The following CDON variants were observed in gnomAD, a reference collection of about 807,000 sequenced individuals.
CDON encodes the protein cell adhesion associated, oncogene regulated, also known as cell adhesion molecule-related/down-regulated by oncogenes.
A neutral mutation model predicts 120.9 loss-of-function variants in CDON; 73 were observed. The observed-to-expected ratio is 0.60, with a 90% CI of 0.50 to 0.73. The LOEUF (loss-of-function observed/expected upper bound fraction) is 0.73. CDON is among the 30% of genes least tolerant of loss of function. The pLI, the probability that CDON is intolerant of heterozygous loss-of-function variation, is 0.00. For missense variants in CDON, 1,470 were observed against 1,587.3 expected (o/e 0.93, Z 1.26); for synonymous variants, 566 against 573.5 (o/e 0.99, Z 0.19).
upstream of CDON, chr11:126,062,926 G>C (rs1159917909): frequency 6.6e-6 from 1 of 151,804 alleles, no homozygotes; most frequent in Non-Finnish European, 1.5e-5. Flanking sequence ...CACGTAACTC[G>C]GAGGGTGCTG....
At chr11:126,054,046 A>G (rs966283519) in intron 1 of CDON, among the ~76,000 whole-genome samples, 1 of 152,228 alleles carries the variant, frequency 6.6e-6, no homozygotes, top group Non-Finnish European at 1.5e-5. Context: ...TCATGGCCTG[A>G]TAAAAGCAGT....
chr11:126,027,555 T>C (rs906001606), intron 1 of CDON, among the ~76,000 whole-genome samples: 2 of 152,180 alleles, frequency 1.3e-5, no homozygotes, highest in African/African-American at 4.8e-5. Flanking sequence ...TTCCCCTACA[T>C]TGCTCTGGCA....
intron 18 of CDON, among the ~76,000 whole-genome samples, chr11:125,968,321 TA>T (rs1359982483): frequency 6.6e-6 from 1 of 152,218 alleles, no homozygotes; most frequent in African/African-American, 2.4e-5. Context: ...GTCTTTAATT[TA>T]AAGCCAAGTT....
chr11:126,022,260 G>C (rs1257186408), intron 2 of CDON, among the ~76,000 whole-genome samples: 2 of 152,018 alleles, frequency 1.3e-5, no homozygotes, highest in East Asian at 3.8e-4. Flanking sequence ...TTTGATTTAC[G>C]AGAGCAAGTT....
At chr11:126,017,024 T>C in intron 6 of CDON, 64 bp downstream of exon 6, 1 of 1,316,138 alleles carries the variant, frequency 7.6e-7, no homozygotes. Context: ...AGATCTTTCC[T>C]TCAGGTATCA....
intron 17 of CDON, among the ~76,000 whole-genome samples, chr11:125,978,635 A>T (rs1000600153): frequency 1.2e-4 from 19 of 152,188 alleles, no homozygotes; most frequent in African/African-American, 4.1e-4. Flanking sequence ...TTTCCTACGT[A>T]TTTCTGTACT....
chr11:126,015,657 T>A, intron 6 of CDON, 147 bp from the exon 7 acceptor site: 1 of 841,814 alleles, frequency 1.2e-6, no homozygotes, highest in South Asian at 1.6e-5. Context: ...GCTGTGGTAA[T>A]CAAGAAAAAA....
At chr11:125,977,550 G>C (rs1437869979) in intron 18 of CDON, among the ~76,000 whole-genome samples, 1 of 152,174 alleles carries the variant, frequency 6.6e-6, no homozygotes, top group Non-Finnish European at 1.5e-5. Context: ...TTAGGACTGA[G>C]AAGGAAGGAC....
At chr11:126,004,814 GA>G (rs1947064817) in intron 9 of CDON, among the ~76,000 whole-genome samples, 1 of 152,096 alleles carries the variant, frequency 6.6e-6, no homozygotes, top group South Asian at 2.1e-4. Context: ...CTTGGACAAA[GA>G]AAATGATTTT....
intron 1 of CDON, among the ~76,000 whole-genome samples, chr11:126,031,046 T>A (rs1327186919): frequency 6.6e-6 from 1 of 152,168 alleles, no homozygotes; most frequent in Non-Finnish European, 1.5e-5. Flanking sequence ...GGCACGAACA[T>A]AATTATCTCC....
intron 1 of CDON, among the ~76,000 whole-genome samples, chr11:126,030,026 C>G (rs555422454): frequency 3.7e-4 from 56 of 152,162 alleles, no homozygotes; most frequent in Non-Finnish European, 4.9e-4. Context: ...CTCCCAAAGT[C>G]CAAATGTCAC....
At chr11:126,011,168 T>C (rs569461526) in intron 7 of CDON, among the ~76,000 whole-genome samples, 2 of 151,926 alleles carry the variant, frequency 1.3e-5, no homozygotes, top group East Asian at 3.9e-4. Flanking sequence ...CTGTTCTCAA[T>C]AAAAGCTGAT....
At position 125,958,271 on chromosome 11, in the gene CDON, C is replaced by G. The variant is rs1032146908; in HGVS notation, c.*2671G>C. The G allele has an allele frequency of 6.6e-6, 1 of 152,140 alleles. No individual in the cohort carries two copies. Among genetic ancestry groups the G allele is most frequent in the African/African-American group, 2.4e-5 (1 of 41,422 alleles). The allele number at this position is 152,140 out of a possible 1,614,324, so 9.4% of individuals were successfully genotyped here. ...ATTATGGCTCCAGATAAACTAGGTT[C>G]GGATTCAGGTCCCATGGCTCACTGA... On this transcript the variant is annotated 3_prime_UTR_variant, in exon 20 of 20. Transcript: ENST00000531738.
At chr11:125,974,340 T>TGTAGGTAG (rs143014617) in intron 18 of CDON, among the ~76,000 whole-genome samples, 2 of 123,446 alleles carry the variant, frequency 1.6e-5, no homozygotes, top group Non-Finnish European at 3.3e-5. Flanking sequence ...AGCAAACATT[T>TGTAGGTAG]GTAGGTAGGT....
chr11:126,003,889 A>C lies in CDON; in HGVS notation c.2026+13T>G. 3 of 1,612,232 alleles carry C rather than the reference A, an allele frequency of 1.9e-6. No individual in the cohort carries two copies. Among genetic ancestry groups the C allele is most frequent in the Non-Finnish European group, 2.5e-6 (3 of 1,178,328 alleles). On this transcript the variant is annotated intron_variant, in intron 10 of 19. Transcript: ENST00000531738. ...GCAGCCAGCTCATTCCTCCAAAGGA[A>C]GCCCTCACTCACCTTTGCTGGTTCG...
chr11:125,974,346 T>C (rs1251830569), intron 18 of CDON, among the ~76,000 whole-genome samples: 1 of 28,534 alleles, frequency 3.5e-5, no homozygotes, highest in Non-Finnish European at 7.7e-5. Context: ...CATTTGTAGG[T>C]AGGTAGGTAG....
intron 11 of CDON, among the ~76,000 whole-genome samples, chr11:125,997,707 G>T (rs907415093): frequency 6.6e-6 from 1 of 152,294 alleles, no homozygotes; most frequent in African/African-American, 2.4e-5. Context: ...GAAATAAAAT[G>T]TAAGTATTAT....
At position 126,034,566 on chromosome 11, in the gene CDON, C is replaced by T. The variant is rs915473074; in HGVS notation, c.-61-11029G>A. On this transcript the variant is annotated intron_variant, in intron 1 of 19. Transcript: ENST00000531738. The surrounding 1 kb of genome is among the most constrained non-coding windows in gnomAD (Gnocchi z 4.5). ...AAAAAAAAGTCAAGTGTTCCTGTTC[C>T]ACTCTCTTTCTAAGAGACTATTTCT... Among the ~76,000 whole-genome samples, 3 of 152,146 alleles carry T rather than the reference C, an allele frequency of 2.0e-5. No individual in the cohort carries two copies. The highest frequency in any genetic ancestry group is 6.6e-5 in the Admixed American group (1 of 15,266).
chr11:125,993,816 T>G (rs1053370775), intron 14 of CDON, among the ~76,000 whole-genome samples: 11 of 152,218 alleles, frequency 7.2e-5, no homozygotes, highest in Admixed American at 5.9e-4. Flanking sequence ...AAAAGCAGTT[T>G]CAACACTCTT....
Sources: gnomAD v4.1 joint callset for allele counts (sites outside exome capture counted in the v4.1 genomes callset) on GRCh38, gnomAD v4.1.1 for gene constraint, Gnocchi (gnomAD v3.1) non-coding constraint, MANE v1.5 for transcripts, NCBI Gene and HGNC (gene_info 2026-07-23, HGNC 2026-07-21) for gene names.